The following C1GALT1 variants were observed in gnomAD, a reference collection of about 807,000 sequenced individuals.
C1GALT1 encodes core 1 synthase, glycoprotein-N-acetylgalactosamine 3-beta-galactosyltransferase 1.
Under a neutral mutation model 31.0 loss-of-function variants are expected in C1GALT1, and 11 were observed. The ratio of observed to expected loss-of-function variants is 0.36; its 90% confidence interval spans 0.22 to 0.59. The LOEUF (loss-of-function observed/expected upper bound fraction) is 0.59, where lower values mean the gene tolerates loss of function less well. C1GALT1 is among the 20% of genes least tolerant of loss of function. The probability of loss-of-function intolerance (pLI) is 0.79; values close to 1 mark genes in which losing one functional copy is unlikely to be tolerated. For synonymous variants in C1GALT1, 175 were observed against 143.6 expected, an observed-to-expected ratio of 1.22 and a Z score of -1.56; for missense variants, 424 against 425.2, an observed-to-expected ratio of 1.00 and a Z score of 0.03.
At chr7:7,228,513 C>T (rs1782906500) in intron 1 of C1GALT1, among the ~76,000 whole-genome samples, 2 of 152,074 alleles carry the variant, frequency 1.3e-5, no homozygotes, top group African/African-American at 4.8e-5. Flanking sequence ...TAGTCTACCT[C>T]AACACTCTTG....
At chr7:7,170,914 T>A (rs2128227343) in intron 2 of C1GALT1, among the ~76,000 whole-genome samples, 1 of 152,392 alleles carries the variant, frequency 6.6e-6, no homozygotes, top group East Asian at 1.9e-4. Flanking sequence ...CATATATTTG[T>A]GGATTTTGCA....
At chr7:7,219,389 A>T (rs929291318) in intron 1 of C1GALT1, among the ~76,000 whole-genome samples, 3 of 144,642 alleles carry the variant, frequency 2.1e-5, no homozygotes, top group Non-Finnish European at 4.5e-5. Context: ...GTTGAAACAA[A>T]TGTACCCTCT....
chr7:7,161,279 T>A (rs1056152626), intron 2 of C1GALT1, among the ~76,000 whole-genome samples: 1 of 152,004 alleles, frequency 6.6e-6, no homozygotes, highest in African/African-American at 2.4e-5. Context: ...TGTGAGGCTT[T>A]AACAGTGGGA....
rs1783754825 is a variant in C1GALT1, at chr7:7,244,189, A to G, written c.*462A>G. 1 of 152,604 alleles carries G rather than the reference A, an allele frequency of 6.6e-6. No homozygotes were observed. Among genetic ancestry groups the G allele is most frequent in the South Asian group, 2.1e-4 (1 of 4,832 alleles). The allele number at this position is 152,604 out of a possible 1,614,324, so 9.5% of individuals were successfully genotyped here. On this transcript the variant is annotated 3_prime_UTR_variant, in exon 4 of 4. Transcript: ENST00000436587. ...CAAGAATTGAGTTTATATTTGCAGT[A>G]TGCTATAAATGATACCCCCCTACCA...
chr7:7,224,885 T>G (rs1301650626), intron 1 of C1GALT1, among the ~76,000 whole-genome samples: 1 of 151,854 alleles, frequency 6.6e-6, no homozygotes, highest in Admixed American at 6.5e-5. Flanking sequence ...TAAGTGTATT[T>G]AAGTGTATTA....
intron 1 of C1GALT1, among the ~76,000 whole-genome samples, chr7:7,200,177 A>G (rs1781475312): frequency 6.6e-6 from 1 of 152,192 alleles, no homozygotes; most frequent in Non-Finnish European, 1.5e-5. Context: ...AGTGGCTGGT[A>G]CGGGTTGTTC....
chr7:7,160,607 A>G (rs529935963), intron 2 of C1GALT1, among the ~76,000 whole-genome samples: 7 of 152,242 alleles, frequency 4.6e-5, no homozygotes, highest in South Asian at 4.1e-4. Flanking sequence ...ACCTAAATCC[A>G]TTCAGTAAAA....
At chr7:7,197,421 A>G (rs1781340949) in intron 1 of C1GALT1, among the ~76,000 whole-genome samples, 1 of 151,964 alleles carries the variant, frequency 6.6e-6, no homozygotes, top group Non-Finnish European at 1.5e-5. Flanking sequence ...TTGTACCAGT[A>G]CCATGCTGTT....
intron 1 of C1GALT1, among the ~76,000 whole-genome samples, chr7:7,188,493 T>A (rs1473146223): frequency 5.3e-5 from 8 of 152,186 alleles, no homozygotes; most frequent in Non-Finnish European, 1.0e-4. Context: ...TCATATTATT[T>A]CACTCTGTAG....
At chr7:7,191,894 G>C (rs1408890682) in intron 1 of C1GALT1, among the ~76,000 whole-genome samples, 2 of 151,868 alleles carry the variant, frequency 1.3e-5, no homozygotes, top group Admixed American at 6.6e-5. Flanking sequence ...AATACGATTT[G>C]CCTGTATTTT....
chr7:7,204,073 T>G (rs1212738053), intron 1 of C1GALT1, among the ~76,000 whole-genome samples: 1 of 151,332 alleles, frequency 6.6e-6, no homozygotes, highest in African/African-American at 2.4e-5. Flanking sequence ...ACAGAATAAG[T>G]CAGGAAGTGT....
chr7:7,204,119 G>GTT (rs1208079006), intron 1 of C1GALT1, among the ~76,000 whole-genome samples: 2 of 115,176 alleles, frequency 1.7e-5, no homozygotes, highest in Non-Finnish European at 3.7e-5. Context: ...TTGTTTTTTT[G>GTT]TTTTTTTTTT....
intron 1 of C1GALT1, among the ~76,000 whole-genome samples, chr7:7,209,161 C>G (rs943496571): frequency 4.6e-5 from 7 of 152,118 alleles, no homozygotes; most frequent in Non-Finnish European, 8.8e-5. Context: ...TTATGTAGAG[C>G]CTATACATTT....
chr7:7,227,677 G>A (rs1304793271), intron 1 of C1GALT1, among the ~76,000 whole-genome samples: 2 of 146,508 alleles, frequency 1.4e-5, no homozygotes, highest in Non-Finnish European at 3.0e-5. Flanking sequence ...CCGAGATCCC[G>A]CCACTGCACT....
rs369395916 is a variant in C1GALT1 at position 7,198,000 on chromosome 7, C to T, written c.-18+15180C>T. Among the ~76,000 whole-genome samples, 67 of 152,282 alleles carry T rather than the reference C, an allele frequency of 4.4e-4. 3 individuals are homozygous for T. In the East Asian group the frequency reaches 0.012, roughly 28 times the overall value. The stretch of plus-strand genomic sequence containing the variant: ...TTGCAAACAGGGACAATTTGACTTC[C>T]TCTTTTCCTAATTGAATACTCTTTG... On this transcript the variant is annotated intron_variant, in intron 1 of 3. Coordinates refer to ENST00000436587, the MANE Select transcript of C1GALT1 (RefSeq NM_020156.5).
intron 1 of C1GALT1, among the ~76,000 whole-genome samples, chr7:7,227,612 T>G (rs1428751955): frequency 2.0e-5 from 3 of 149,768 alleles, no homozygotes; most frequent in African/African-American, 7.4e-5. Flanking sequence ...CCCAGCTACT[T>G]GGGAGGCTGA....
Position 7,236,291 on chromosome 7 carries a change from T to A in C1GALT1, c.220+1752T>A, listed in dbSNP as rs1049115077. ...TACAAAGCAATTAGTGAATGAAAAA[T>A]TATTTATCAAGTTCAGCGGTGGACA... On this transcript the variant is annotated intron_variant, in intron 2 of 3. Coordinates refer to ENST00000436587, the MANE Select transcript of C1GALT1 (RefSeq NM_020156.5). Among the ~76,000 whole-genome samples, 6 of 152,232 alleles carry A rather than the reference T, an allele frequency of 3.9e-5. No individual in the cohort carries two copies. The South Asian group carries it at 1.2e-3, about 32-fold the overall frequency.
chr7:7,232,576 G>T (rs1163972675), intron 1 of C1GALT1, among the ~76,000 whole-genome samples: 2 of 149,858 alleles, frequency 1.3e-5, no homozygotes, highest in Admixed American at 1.3e-4. Context: ...CTGCAGTCCT[G>T]CCTCCCAGGT....
chr7:7,166,349 T>C (rs1322857441), intron 2 of C1GALT1, among the ~76,000 whole-genome samples: 1 of 152,144 alleles, frequency 6.6e-6, no homozygotes, highest in Non-Finnish European at 1.5e-5. Context: ...TTGATAAACA[T>C]AACAATATGG....
Sources: gnomAD v4.1 joint callset for allele counts (sites outside exome capture counted in the v4.1 genomes callset) on GRCh38, gnomAD v4.1.1 for gene constraint, MANE v1.5 for transcripts, NCBI Gene and HGNC (gene_info 2026-07-23, HGNC 2026-07-21) for gene names.